Variants in SCRT2 observed in about 807,000 individuals in gnomAD.
SCRT2 encodes the protein transcriptional repressor scratch 2.
SCRT2 carries 2 observed loss-of-function variants against 3.7 expected under a neutral mutation model. The observed-to-expected ratio is 0.54, with a 90% CI of 0.22 to 1.70. The LOEUF is 1.70. Ranked by LOEUF, SCRT2 falls within the 40% of genes most tolerant of loss-of-function variation. The pLI, the probability that SCRT2 is intolerant of heterozygous loss-of-function variation, is 0.19. For synonymous variants in SCRT2, 256 were observed against 220.6 expected (o/e 1.16, Z -1.42); for missense variants, 456 against 468.5 (o/e 0.97, Z 0.25).
intron 1 of SCRT2, among the ~76,000 whole-genome samples, chr20:669,335 C>T (rs1278749192): frequency 6.6e-6 from 1 of 152,226 alleles, no homozygotes; most frequent in Admixed American, 6.5e-5. Context: ...CCTTGTTCTG[C>T]AGAAGCTGAA....
chr20:673,458 C>G (rs1984410119), intron 1 of SCRT2, among the ~76,000 whole-genome samples: 1 of 152,208 alleles, frequency 6.6e-6, no homozygotes, highest in Non-Finnish European at 1.5e-5. Flanking sequence ...TGTGAGAGAT[C>G]TAGAGCCCAG....
chr20:668,093 G>T (rs1343830019), intron 1 of SCRT2, among the ~76,000 whole-genome samples: 1 of 152,184 alleles, frequency 6.6e-6, no homozygotes, highest in Non-Finnish European at 1.5e-5. Context: ...TAATAAGGCT[G>T]AATAAATGAA....
chr20:664,204 C>T lies in SCRT2; in HGVS notation c.391G>A (p.Gly131Ser). The T allele has an allele frequency of 8.6e-7, 1 of 1,166,762 alleles. No homozygotes were observed. The allele number at this position is 1,166,762 out of a possible 1,614,324, so 72.3% of individuals were successfully genotyped here. A position where few individuals can be genotyped will look rare whatever the true frequency, so the allele number is the denominator to read the frequency against. The change falls in exon 2 of 2, where the codon GGC becomes AGC. Residue 131 changes from glycine (G) to serine (S), a missense_variant. Physicochemically the swap from Gly to Ser is moderately conservative, Grantham distance 56. This residue lies in a region of SCRT2 where 306 missense variants were observed against 305.3 expected (regional missense o/e 1.00). Transcript: ENST00000246104. The surrounding 1 kb of genome is among the most constrained non-coding windows in gnomAD (Gnocchi z 7.9). ...CCGGCGCCCCCCGCGTCTCCCGAGCCCCCCGCGTCCCCGCCGCCCCCGCCC... is the reference window on the plus strand; with the variant it reads ...CCGGCGCCCCCCGCGTCTCCCGAGCTCCCCGCGTCCCCGCCGCCCCCGCCC... ...RRGGGGGDAG[G>S]SGDAGGAGGR...
rs1984040236 is a variant in SCRT2 at position 663,693 on chromosome 20, GTCGGCGGGGGTGGC to G, written c.888_901del (p.Glu296AspfsTer89). On this transcript the variant is annotated frameshift_variant, in exon 2 of 2. Coordinates refer to ENST00000246104, the MANE Select transcript of SCRT2 (RefSeq NM_033129.4). LOFTEE classifies it low-confidence loss of function (END_TRUNC). This position sits in a 1 kb window ranked among gnomAD's most constrained non-coding sequence, Gnocchi z 6.9. ...GGCTCAGCTGGCCGGGCCGGCGGGG[GTCGGCGGGGGTGGC>G]TCGGCCGCCTTGGCGCAGGCCGCCT... 1.3e-6 allele frequency: 2 copies of G among 1,509,594 alleles called. No individual in the cohort carries two copies. The highest frequency in any genetic ancestry group is 4.0e-5 in the Admixed American group (2 of 49,732). 93.5% of individuals were successfully genotyped at this position (1,509,594 alleles called of 1,614,324 possible). A position where few individuals can be genotyped will look rare whatever the true frequency, so the allele number is the denominator to read the frequency against.
rs934008459 is a variant in SCRT2 at position 664,516 on chromosome 20, C to T, written c.134-55G>A. 8.6e-7 allele frequency: 1 copy of T among 1,168,798 alleles called. No homozygotes were observed. Among genetic ancestry groups the T allele is most frequent in the Non-Finnish European group, 1.1e-6 (1 of 927,374 alleles). The allele number at this position is 1,168,798 out of a possible 1,614,324, so 72.4% of individuals were successfully genotyped here. A position where few individuals can be genotyped will look rare whatever the true frequency, so the allele number is the denominator to read the frequency against. On this transcript the variant is annotated intron_variant, in intron 1 of 1. Transcript: ENST00000246104. The surrounding 1 kb of genome is among the most constrained non-coding windows in gnomAD (Gnocchi z 7.9). ...GAGAGGAGGCGCCGAAGAGGGTTTCCCGCTTTGAGCGCGTCACCCTTTGCG... is the reference window on the plus strand; with the variant it reads ...GAGAGGAGGCGCCGAAGAGGGTTTCTCGCTTTGAGCGCGTCACCCTTTGCG...
chr20:670,232 C>CG (rs965731642), intron 1 of SCRT2, among the ~76,000 whole-genome samples: 3 of 152,110 alleles, frequency 2.0e-5, no homozygotes, highest in Admixed American at 6.5e-5. Context: ...CCTGCTCCCT[C>CG]GGGGGGGATC....
chr20:674,027 T>C (rs887658133), intron 1 of SCRT2, among the ~76,000 whole-genome samples: 12 of 152,124 alleles, frequency 7.9e-5, no homozygotes, highest in African/African-American at 2.7e-4. Context: ...AGAGGCCCTG[T>C]GATCAAGAAA....
chr20:674,821 A>C (rs1984474272), intron 1 of SCRT2, among the ~76,000 whole-genome samples: 1 of 151,904 alleles, frequency 6.6e-6, no homozygotes, highest in East Asian at 1.9e-4. Flanking sequence ...AGTGCAATCC[A>C]GGGGACCAGG....
At chr20:673,900 T>C (rs1022588145) in intron 1 of SCRT2, among the ~76,000 whole-genome samples, 3 of 152,124 alleles carry the variant, frequency 2.0e-5, no homozygotes, top group African/African-American at 7.2e-5. Flanking sequence ...GATATTTCAG[T>C]TTCTACCAGC....
rs954813035 is a variant in SCRT2 at position 666,926 on chromosome 20, A to G, written c.134-2465T>C. On this transcript the variant is annotated intron_variant, in intron 1 of 1. Coordinates refer to ENST00000246104, the MANE Select transcript of SCRT2 (RefSeq NM_033129.4). The surrounding 1 kb of genome is among the most constrained non-coding windows in gnomAD (Gnocchi z 4.4). ...TGTGCTTCAGGTCCTTTTTTTTTAAAATGGGATTTATCTGGAGGGGTGACT... is the reference window on the plus strand; with the variant it reads ...TGTGCTTCAGGTCCTTTTTTTTTAAGATGGGATTTATCTGGAGGGGTGACT... Among the ~76,000 whole-genome samples, 4 of 151,958 alleles carry G rather than the reference A, an allele frequency of 2.6e-5. No homozygotes were observed. Among genetic ancestry groups the G allele is most frequent in the Non-Finnish European group, 4.4e-5 (3 of 67,988 alleles).
At chr20:674,688 AGTGTGTGTGTGTGTGTGTGTGT>A (rs759385819) in intron 1 of SCRT2, among the ~76,000 whole-genome samples, 2 of 129,446 alleles carry the variant, frequency 1.5e-5, no homozygotes, top group South Asian at 5.5e-4. Flanking sequence ...GAAGAGATGG[AGTGTGTGTGTGTGTGTGTGTGT>A]GTGTGTGTGT....
intron 1 of SCRT2, among the ~76,000 whole-genome samples, chr20:672,018 G>A (rs377762668): frequency 2.6e-5 from 4 of 152,198 alleles, no homozygotes; most frequent in African/African-American, 9.6e-5. Flanking sequence ...TGGGGGCCCC[G>A]GTCTGTGGGG....
At chr20:672,961 C>T (rs1984394162) in intron 1 of SCRT2, among the ~76,000 whole-genome samples, 1 of 152,084 alleles carries the variant, frequency 6.6e-6, no homozygotes, top group Non-Finnish European at 1.5e-5. Context: ...CCCCAGCACC[C>T]TCCACCCGCC....
chr20:667,513 C>T lies in SCRT2; in HGVS notation c.134-3052G>A, dbSNP rs1214979400. Among the ~76,000 whole-genome samples, 1 of 152,206 alleles carries T rather than the reference C, an allele frequency of 6.6e-6. No homozygotes were observed. Among genetic ancestry groups the T allele is most frequent in the Non-Finnish European group, 1.5e-5 (1 of 68,036 alleles). ...CCCGGGATGTGTAATTTCTATTTCA[C>T]GTTCTGATGGGAAAATATCTGGTGC... On this transcript the variant is annotated intron_variant, in intron 1 of 1. Transcript: ENST00000246104. The surrounding 1 kb of genome is among the most constrained non-coding windows in gnomAD (Gnocchi z 4.4).
rs768004106 is a variant in SCRT2 at position 675,563 on chromosome 20, G to T, written c.39C>A (p.Asp13Glu). The change falls in exon 1 of 2, where the codon GAC becomes GAA. Residue 13 changes from aspartate (D) to glutamate (E), a missense_variant. Physicochemically the swap from Asp to Glu is conservative, Grantham distance 45. Coordinates refer to ENST00000246104, the MANE Select transcript of SCRT2 (RefSeq NM_033129.4). This position sits in a 1 kb window ranked among gnomAD's most constrained non-coding sequence, Gnocchi z 6.9. ...RSFLVKKIKG[D>E]GFQCSGVPAP... ...CCGGCACCCCGCTGCACTGGAAGCC[G>T]TCCCCTTTGATCTTCTTTACCAGGA... 7.3e-7 allele frequency: 1 copy of T among 1,375,498 alleles called. No individual in the cohort carries two copies. The highest frequency in any genetic ancestry group is 9.4e-7 in the Non-Finnish European group (1 of 1,060,148). 85.2% of individuals were successfully genotyped at this position (1,375,498 alleles called of 1,614,324 possible).
rs1298527513 is a variant in SCRT2 at position 667,172 on chromosome 20, C to G, written c.134-2711G>C. Reference sequence around the variant, plus strand: ...GATAACCAGCACTCTCAGAGCACTCCTGTGTCAGGCACTCTTACAAGGGCT... The same window carrying G: ...GATAACCAGCACTCTCAGAGCACTCGTGTGTCAGGCACTCTTACAAGGGCT... On this transcript the variant is annotated intron_variant, in intron 1 of 1. Coordinates refer to ENST00000246104, the MANE Select transcript of SCRT2 (RefSeq NM_033129.4). This position sits in a 1 kb window ranked among gnomAD's most constrained non-coding sequence, Gnocchi z 4.4. Among the ~76,000 whole-genome samples the G allele has an allele frequency of 6.6e-6, 1 of 152,184 alleles. No homozygotes were observed. Among genetic ancestry groups the G allele is most frequent in the African/African-American group, 2.4e-5 (1 of 41,428 alleles).
At position 663,684 on chromosome 20, in the gene SCRT2, C is replaced by CGGCGGGGGT; in HGVS notation, c.910_911insACCCCCGCC (p.Gly304delinsAspProArgArg). 6.6e-7 allele frequency: 1 copy of CGGCGGGGGT among 1,506,792 alleles called. No individual in the cohort carries two copies. Among genetic ancestry groups the CGGCGGGGGT allele is most frequent in the Non-Finnish European group, 8.8e-7 (1 of 1,130,282 alleles). The allele number at this position is 1,506,792 out of a possible 1,614,324, so 93.3% of individuals were successfully genotyped here. ...GAGGCGGAAGGCTCAGCTGGCCGGG[C>CGGCGGGGGT]CGGCGGGGGTCGGCGGGGGTGGCTC... is the stretch of plus-strand genomic sequence containing the variant. On this transcript the variant is annotated protein_altering_variant, in exon 2 of 2. Coordinates refer to ENST00000246104, the MANE Select transcript of SCRT2 (RefSeq NM_033129.4). The surrounding 1 kb of genome is among the most constrained non-coding windows in gnomAD (Gnocchi z 6.9).
At chr20:670,235 G>C (rs985313873) in intron 1 of SCRT2, among the ~76,000 whole-genome samples, 2 of 152,176 alleles carry the variant, frequency 1.3e-5, no homozygotes, top group East Asian at 3.9e-4. Flanking sequence ...GCTCCCTCGG[G>C]GGGGATCTCC....
At position 667,027 on chromosome 20, in the gene SCRT2, C is replaced by T. The variant is rs138261294; in HGVS notation, c.134-2566G>A. Among the ~76,000 whole-genome samples the T allele has an allele frequency of 4.9e-3, 741 of 152,262 alleles. 13 individuals are homozygous for T. Among genetic ancestry groups the T allele is most frequent in the African/African-American group, 0.016 (684 of 41,536 alleles). On this transcript the variant is annotated intron_variant, in intron 1 of 1. Coordinates refer to ENST00000246104, the MANE Select transcript of SCRT2 (RefSeq NM_033129.4). The surrounding 1 kb of genome is among the most constrained non-coding windows in gnomAD (Gnocchi z 4.4). ...ATAAGAGTAAAACTTTGGTGCCAGA[C>T]GGCCTGGATTGTTTTGGCTCTACCA...
Sources: allele counts gnomAD v4.1 joint callset (sites outside exome capture counted in the v4.1 genomes callset), GRCh38; gene constraint gnomAD v4.1.1; regional missense constraint gnomAD v4.1.1; non-coding constraint Gnocchi (gnomAD v3.1); transcripts MANE v1.5; gene names NCBI Gene and HGNC (gene_info 2026-07-23, HGNC 2026-07-21).